The following CHRNA7 variants were observed in gnomAD, a reference collection of about 807,000 sequenced individuals.
CHRNA7 encodes the protein cholinergic receptor nicotinic alpha 7 subunit, also known as neuronal acetylcholine receptor subunit alpha-7.
Under a neutral mutation model 48.0 loss-of-function variants are expected in CHRNA7, and 17 were observed. The ratio of observed to expected loss-of-function variants is 0.35; its 90% confidence interval spans 0.24 to 0.53. The LOEUF (loss-of-function observed/expected upper bound fraction) is 0.53. Among genes scored for constraint, CHRNA7 ranks in the 20% least tolerant of loss-of-function variants. The pLI is 0.92. For missense variants in CHRNA7, 155 were observed against 577.7 expected (o/e 0.27, Z 7.50); for synonymous variants, 75 against 242.3 (o/e 0.31, Z 6.41).
chr15:32,114,065 T>TAC, intron 4 of CHRNA7, among the ~76,000 whole-genome samples: 1 of 133,590 alleles, frequency 7.5e-6, no homozygotes, highest in African/African-American at 2.8e-5. Flanking sequence ...TATATACATA[T>TAC]ATATATATAT....
At chr15:32,041,577 G>C (rs2049448955) in intron 2 of CHRNA7, among the ~76,000 whole-genome samples, 1 of 152,230 alleles carries the variant, frequency 6.6e-6, no homozygotes. Flanking sequence ...GTACTGGCCT[G>C]TGGCCTGGGG....
At chr15:32,120,323 G>T (rs1483048336) in intron 4 of CHRNA7, among the ~76,000 whole-genome samples, 1 of 152,108 alleles carries the variant, frequency 6.6e-6, no homozygotes, top group African/African-American at 2.4e-5. Context: ...CTCTGAGCTG[G>T]CTCCACTTTC....
In CHRNA7 at chr15:32,149,072, T is replaced by C. The variant is rs943937233; in HGVS notation, c.351-4835T>C. On this transcript the variant is annotated intron_variant, in intron 4 of 9. Transcript: ENST00000306901. The surrounding 1 kb of genome is among the most constrained non-coding windows in gnomAD (Gnocchi z 4.6). The stretch of plus-strand genomic sequence containing the variant: ...AGAGTGGGCCCCAGTCATTGCTGGC[T>C]GGGGGAGGACAAAGGCAGCCAGATA... Among the ~76,000 whole-genome samples, 3 of 152,122 alleles carry C rather than the reference T, an allele frequency of 2.0e-5. No homozygotes were observed. Among genetic ancestry groups the C allele is most frequent in the Admixed American group, 6.5e-5 (1 of 15,288 alleles).
rs2052348171 is a variant in CHRNA7, at chr15:32,169,329, T to TA, written c.*872dup. 1 of 145,084 alleles carries TA rather than the reference T, an allele frequency of 6.9e-6. No homozygotes were observed. Among genetic ancestry groups the TA allele is most frequent in the Non-Finnish European group, 1.6e-5 (1 of 64,184 alleles). 9.0% of individuals were successfully genotyped at this position (145,084 alleles called of 1,614,324 possible). A position where few individuals can be genotyped will look rare whatever the true frequency, so the allele number is the denominator to read the frequency against. The stretch of plus-strand genomic sequence containing the variant: ...ATAGCTACAGCTAAGTGAAGCCACT[T>TA]ACGTGGGCTTTAAAAAAATAATGTG... On this transcript the variant is annotated 3_prime_UTR_variant, in exon 10 of 10. Coordinates refer to ENST00000306901, the MANE Select transcript of CHRNA7 (RefSeq NM_000746.6).
At chr15:32,068,848 A>C (rs2141214907) in intron 2 of CHRNA7, among the ~76,000 whole-genome samples, 1 of 152,338 alleles carries the variant, frequency 6.6e-6, no homozygotes, top group East Asian at 1.9e-4. Flanking sequence ...GGGGCCCTCA[A>C]ATACATGAAG....
At chr15:32,102,659 A>C (rs2050593722) in intron 3 of CHRNA7, 1 of 152,246 alleles carries the variant, frequency 6.6e-6, no homozygotes, top group Admixed American at 6.5e-5. Flanking sequence ...ATCTCTGCCC[A>C]AGATGAGTTT....
At chr15:32,136,907 C>T (rs1227720851) in intron 4 of CHRNA7, among the ~76,000 whole-genome samples, 1 of 150,194 alleles carries the variant, frequency 6.7e-6, no homozygotes, top group African/African-American at 2.5e-5. Flanking sequence ...TGGCGGGCGC[C>T]TGTAGTCCCA....
At chr15:32,124,003 A>G (rs150717312) in intron 4 of CHRNA7, among the ~76,000 whole-genome samples, 380 of 152,006 alleles carry the variant, frequency 2.5e-3, no homozygotes, top group Middle Eastern at 0.01. Context: ...AAAACCAGAA[A>G]ACAAACCTAC....
intron 2 of CHRNA7, among the ~76,000 whole-genome samples, chr15:32,040,174 C>G (rs1595373947): frequency 1.3e-5 from 2 of 151,972 alleles, no homozygotes; most frequent in African/African-American, 4.8e-5. Flanking sequence ...TAGGCACATA[C>G]AGTTGGGTCT....
intron 4 of CHRNA7, among the ~76,000 whole-genome samples, chr15:32,131,748 A>G (rs2051160674): frequency 2.0e-5 from 3 of 152,138 alleles, no homozygotes; most frequent in Admixed American, 2.0e-4. Flanking sequence ...TTTTAAAATT[A>G]TATCCTGGAC....
At position 32,088,758 on chromosome 15, in the gene CHRNA7, A is replaced by G. The variant is rs142375763; in HGVS notation, c.196-12545A>G. The stretch of plus-strand genomic sequence containing the variant: ...AGTTGCCTGTTCATATCATTTGGCC[A>G]TTTTTTAGTTAGGTTGTTTGTTAAT... On this transcript the variant is annotated intron_variant, in intron 2 of 9. Transcript: ENST00000306901. 3.7e-3 allele frequency among the ~76,000 whole-genome samples: 567 copies of G among 151,982 alleles called. 4 individuals are homozygous for G. Among genetic ancestry groups the G allele is most frequent in the African/African-American group, 0.013 (532 of 41,448 alleles).
intron 4 of CHRNA7, among the ~76,000 whole-genome samples, chr15:32,137,255 T>C (rs142612767): frequency 2.6e-5 from 4 of 151,790 alleles, no homozygotes; most frequent in African/African-American, 7.3e-5. Context: ...AACTAAACCA[T>C]ATATACGTAA....
intron 2 of CHRNA7, among the ~76,000 whole-genome samples, chr15:32,073,336 A>G (rs11636680): frequency 0.34 from 52,185 of 152,006 alleles, 9,064 homozygotes; most frequent in East Asian, 0.61. Flanking sequence ...GGGAATGTTT[A>G]CCAAATGCCT....
chr15:32,048,893 G>C (rs1289231706), intron 2 of CHRNA7, among the ~76,000 whole-genome samples: 2 of 151,698 alleles, frequency 1.3e-5, no homozygotes, highest in African/African-American at 4.9e-5. Context: ...TGGTTTCAAA[G>C]AACATCTTTA....
chr15:32,099,693 T>TA (rs1370252292), intron 2 of CHRNA7: 1 of 152,184 alleles, frequency 6.6e-6, no homozygotes, highest in African/African-American at 2.4e-5. Context: ...AGGCAACAGA[T>TA]ACACGTTCTG....
At chr15:32,059,382 G>A (rs753534352) in intron 2 of CHRNA7, among the ~76,000 whole-genome samples, 4 of 152,122 alleles carry the variant, frequency 2.6e-5, no homozygotes, top group Admixed American at 1.3e-4. Flanking sequence ...TTTTCAGTTT[G>A]AACTATTGAT....
At chr15:32,050,097 C>T (rs1310260638) in intron 2 of CHRNA7, among the ~76,000 whole-genome samples, 1 of 152,128 alleles carries the variant, frequency 6.6e-6, no homozygotes, top group East Asian at 1.9e-4. Flanking sequence ...TTCATTTCCA[C>T]TTTGGTGAAT....
chr15:32,081,902 G>A (rs908503984), intron 2 of CHRNA7, among the ~76,000 whole-genome samples: 1 of 151,936 alleles, frequency 6.6e-6, no homozygotes, highest in Non-Finnish European at 1.5e-5. Context: ...AGATGTGGTG[G>A]CAACACAATC....
intron 2 of CHRNA7, among the ~76,000 whole-genome samples, chr15:32,034,269 A>G (rs1270698030): frequency 2.0e-5 from 3 of 152,192 alleles, no homozygotes; most frequent in African/African-American, 7.2e-5. Flanking sequence ...GCAGTGGAGG[A>G]CAGCTCACTT....
Sources: gnomAD v4.1 joint callset for allele counts (sites outside exome capture counted in the v4.1 genomes callset) on GRCh38, gnomAD v4.1.1 for gene constraint, Gnocchi (gnomAD v3.1) non-coding constraint, MANE v1.5 for transcripts, NCBI Gene and HGNC (gene_info 2026-07-23, HGNC 2026-07-21) for gene names.